VIPR1: variants seen among roughly 807,000 people sequenced by gnomAD.
The protein encoded by VIPR1 is vasoactive intestinal peptide receptor 1, also known as vasoactive intestinal polypeptide receptor 1.
VIPR1 carries 59 observed loss-of-function variants against 58.8 expected under a neutral mutation model. The ratio of observed to expected loss-of-function variants is 1.00; its 90% CI spans 0.81 to 1.25. The LOEUF (loss-of-function observed/expected upper bound fraction) is 1.25. Ranked by LOEUF, VIPR1 falls within the 50% of genes most tolerant of loss-of-function variation. The pLI is 0.00. For missense variants in VIPR1, 626 were observed against 602.7 expected (o/e 1.04, Z -0.40); for synonymous variants, 251 against 242.1 (o/e 1.04, Z -0.34).
chr3:42,499,041 T>A (rs1699818776), upstream of VIPR1, among the ~76,000 whole-genome samples: 2 of 152,166 alleles, frequency 1.3e-5, no homozygotes, highest in South Asian at 4.1e-4. Flanking sequence ...CCCCGCTCTA[T>A]GGATAAAGAC....
At chr3:42,513,307 A>C in intron 1 of VIPR1, 1 of 153,652 alleles carries the variant, frequency 6.5e-6, no homozygotes. Context: ...GGCCCTGGGA[A>C]CCAGAGGCCA....
upstream of VIPR1, among the ~76,000 whole-genome samples, chr3:42,500,915 G>A (rs540696569): frequency 1.3e-5 from 2 of 152,182 alleles, no homozygotes; most frequent in Non-Finnish European, 2.9e-5. Context: ...GGTAGAAATT[G>A]CAGGGAGTAC....
Position 42,535,142 on chromosome 3 carries a change from C to T in VIPR1, c.1140+38C>T, listed in dbSNP as rs72862555. The T allele has an allele frequency of 5.1e-3, 8,236 of 1,613,356 alleles. 281 individuals are homozygous for T. In the African/African-American group the frequency reaches 0.086, roughly 17 times the overall value. ...GACTTAAGGCTGCATTCTTCCCTGG[C>T]TTTTAAGGGAATTCAACCTGGAGTC... On this transcript the variant is annotated intron_variant, in intron 11 of 12. Transcript: ENST00000325123.
At chr3:42,534,929 A>T in intron 10 of VIPR1, 46 bp from the exon 11 acceptor site, 1 of 1,608,206 alleles carries the variant, frequency 6.2e-7, no homozygotes, top group Non-Finnish European at 8.5e-7. Flanking sequence ...TCATATCCAC[A>T]TGTGTGGACA....
At chr3:42,523,280 G>A (rs574207975) in intron 3 of VIPR1, among the ~76,000 whole-genome samples, 4 of 152,240 alleles carry the variant, frequency 2.6e-5, no homozygotes, top group South Asian at 2.1e-4. Context: ...TTGCTATGAG[G>A]CCTTGACCAC....
chr3:42,512,982 C>A, intron 1 of VIPR1: 1 of 976,572 alleles, frequency 1.0e-6, no homozygotes, highest in Non-Finnish European at 1.2e-6. Flanking sequence ...GTCTGGCCCA[C>A]CCCTGATCCC....
chr3:42,499,230 C>T (rs954010712), upstream of VIPR1, among the ~76,000 whole-genome samples: 6 of 42,696 alleles, frequency 1.4e-4, no homozygotes, highest in African/African-American at 1.9e-4. Context: ...ACTCTGTGGC[C>T]CCCCCAGCCC....
intron 10 of VIPR1, chr3:42,534,285 G>C (rs1239341128): frequency 6.6e-6 from 1 of 152,142 alleles, no homozygotes. Context: ...GTATGAACTT[G>C]GGTCCCCATC....
At chr3:42,510,513 A>G (rs940319944) in intron 1 of VIPR1, among the ~76,000 whole-genome samples, 3 of 152,142 alleles carry the variant, frequency 2.0e-5, no homozygotes, top group Non-Finnish European at 4.4e-5. Context: ...GACTAGAGGG[A>G]GCTGCCCTGG....
chr3:42,492,054 C>G (rs552780842), intron 1 of VIPR1, among the ~76,000 whole-genome samples: 2 of 152,240 alleles, frequency 1.3e-5, no homozygotes, highest in South Asian at 2.1e-4. Context: ...GTCAGGGATG[C>G]GCTTGCAAGA....
At chr3:42,504,756 G>A (rs1195596700) in intron 1 of VIPR1, among the ~76,000 whole-genome samples, 15 of 144,210 alleles carry the variant, frequency 1.0e-4, no homozygotes, top group Admixed American at 9.4e-4. Flanking sequence ...TCGGTGTGAC[G>A]GCGGGGTGGG....
chr3:42,501,990 G>A (rs1018384336), upstream of VIPR1: 1 of 152,364 alleles, frequency 6.6e-6, no homozygotes, highest in African/African-American at 2.4e-5. This position sits in a 1 kb window ranked among gnomAD's most constrained non-coding sequence, Gnocchi z 4.8. Context: ...GCCCCACCAG[G>A]TCACCCGGGA....
chr3:42,497,166 T>G (rs764364246), intron 1 of VIPR1, among the ~76,000 whole-genome samples: 4 of 152,204 alleles, frequency 2.6e-5, no homozygotes, highest in Non-Finnish European at 5.9e-5. Flanking sequence ...GGAGTTAGTC[T>G]GAGTTCTCCC....
chr3:42,505,378 A>C (rs6441862), intron 1 of VIPR1, among the ~76,000 whole-genome samples: 9,179 of 152,280 alleles, frequency 0.06, 641 homozygotes, highest in African/African-American at 0.17. Flanking sequence ...ACTTCTCCCC[A>C]ACTCTGAGGT....
At position 42,534,838 on chromosome 3, in the gene VIPR1, A is replaced by G. The variant is rs1701756829; in HGVS notation, c.1011-137A>G. 8 of 1,145,686 alleles carry G rather than the reference A, an allele frequency of 7.0e-6. No homozygotes were observed. The Admixed American group carries it at 2.1e-4, about 29-fold the overall frequency. The allele number at this position is 1,145,686 out of a possible 1,614,324, so 71.0% of individuals were successfully genotyped here. A position where few individuals can be genotyped will look rare whatever the true frequency, so the allele number is the denominator to read the frequency against. On this transcript the variant is annotated intron_variant, in intron 10 of 12. Coordinates refer to ENST00000325123, the MANE Select transcript of VIPR1 (RefSeq NM_004624.4). Reference sequence around the variant, plus strand: ...GAGCAGACAAGGGCATAATATTCAGAGGAACCTACAGTCCATCCTCATACT... The same window carrying G: ...GAGCAGACAAGGGCATAATATTCAGGGGAACCTACAGTCCATCCTCATACT...
intron 1 of VIPR1, chr3:42,492,526 TGGA>T (rs760864489): frequency 1.3e-5 from 2 of 152,468 alleles, no homozygotes; most frequent in African/African-American, 2.4e-5. Context: ...TGGAAGGGAA[TGGA>T]GGTGAGGACC....
intron 6 of VIPR1, among the ~76,000 whole-genome samples, chr3:42,529,173 G>A (rs1199269200): frequency 6.6e-6 from 1 of 152,188 alleles, no homozygotes; most frequent in Non-Finnish European, 1.5e-5. Context: ...CTGAGTTATG[G>A]CCAGACGCGG....
At chr3:42,527,353 C>T (rs1701286812) in intron 4 of VIPR1, 40 bp from the exon 5 acceptor site, 3 of 1,594,484 alleles carry the variant, frequency 1.9e-6, no homozygotes, top group Non-Finnish European at 2.6e-6. Context: ...ATGAGCCTCC[C>T]ACCCCACCAC....
Position 42,495,395 on chromosome 3 carries a change from A to G in VIPR1, c.-245+5717A>G, listed in dbSNP as rs573544652. 2.0e-5 allele frequency among the ~76,000 whole-genome samples: 3 copies of G among 152,288 alleles called. No homozygotes were observed. In the South Asian group the frequency reaches 6.2e-4, roughly 32 times the overall value. Reference sequence around the variant, plus strand: ...CTTGGCCTCCCAAAGTGCTGGGATTACAGGCATGAGCCACTGTGCCTGGCC... The same window carrying G: ...CTTGGCCTCCCAAAGTGCTGGGATTGCAGGCATGAGCCACTGTGCCTGGCC... On this transcript the variant is annotated intron_variant, in intron 1 of 13. Coordinates refer to the VIPR1 transcript ENST00000433647.
Sources: gnomAD v4.1 joint callset for allele counts (sites outside exome capture counted in the v4.1 genomes callset) on GRCh38, gnomAD v4.1.1 for gene constraint, Gnocchi (gnomAD v3.1) non-coding constraint, MANE v1.5 for transcripts, NCBI Gene and HGNC (gene_info 2026-07-23, HGNC 2026-07-21) for gene names.